The following CDH4 variants were observed in gnomAD, a reference collection of about 807,000 sequenced individuals.
CDH4 encodes the protein cadherin-4.
CDH4 carries 33 observed loss-of-function variants against 86.0 expected under a neutral mutation model. The observed-to-expected ratio is 0.38, with a 90% CI of 0.29 to 0.51. The LOEUF (loss-of-function observed/expected upper bound fraction) is 0.51, where lower values mean the gene tolerates loss of function less well. Among genes scored for constraint, CDH4 ranks in the 20% least tolerant of loss-of-function variants. CDH4 has a pLI of 0.86. For missense variants in CDH4, 1,114 were observed against 1,307.4 expected (o/e 0.85, Z 2.28); for synonymous variants, 555 against 549.4 (o/e 1.01, Z -0.14).
At chr20:61,929,509 A>G (rs2055081778) in intron 12 of CDH4, 100 bp from the exon 13 acceptor site, 1 of 829,244 alleles carries the variant, frequency 1.2e-6, no homozygotes, top group African/African-American at 1.7e-5. Flanking sequence ...CAGCCATTTC[A>G]GATTTCCATG....
At chr20:61,651,327 C>T (rs2087118403) in intron 2 of CDH4, among the ~76,000 whole-genome samples, 1 of 152,238 alleles carries the variant, frequency 6.6e-6, no homozygotes, top group East Asian at 1.9e-4. Flanking sequence ...GTGCCATTTT[C>T]CAAAACTCTA....
rs181170639 is a variant in CDH4 at position 61,792,059 on chromosome 20, G to A, written c.576+18877G>A. On this transcript the variant is annotated intron_variant, in intron 4 of 15. Coordinates refer to ENST00000614565, the MANE Select transcript of CDH4 (RefSeq NM_001794.5). ...CTGCCTGGTGGGGCTGGAAGGTTAA[G>A]GCGAGAGCTGCCCCAGAGCCCCAGG... 3.9e-5 allele frequency among the ~76,000 whole-genome samples: 6 copies of A among 152,262 alleles called. No individual in the cohort carries two copies. The East Asian group carries it at 1.2e-3, about 29-fold the overall frequency.
chr20:61,424,067 C>A (rs1324223775), intron 2 of CDH4, among the ~76,000 whole-genome samples: 1 of 152,048 alleles, frequency 6.6e-6, no homozygotes, highest in African/African-American at 2.4e-5. Context: ...ACATACACAT[C>A]CACACACAGC....
intron 4 of CDH4, among the ~76,000 whole-genome samples, chr20:61,808,638 C>T (rs543063779): frequency 2.1e-4 from 32 of 152,352 alleles, no homozygotes; most frequent in South Asian, 8.3e-4. Flanking sequence ...CACTGGCCCT[C>T]GGAGCAGCTT....
intron 2 of CDH4, among the ~76,000 whole-genome samples, chr20:61,741,701 C>G (rs2088339057): frequency 6.6e-6 from 1 of 152,032 alleles, no homozygotes; most frequent in Non-Finnish European, 1.5e-5. Flanking sequence ...CCGTGTTAGC[C>G]AGGATGGTCT....
Position 61,681,831 on chromosome 20 carries a change from C to T in CDH4, c.170-61732C>T, listed in dbSNP as rs76539647. On this transcript the variant is annotated intron_variant, in intron 2 of 15. Transcript: ENST00000614565. The surrounding 1 kb of genome is among the most constrained non-coding windows in gnomAD (Gnocchi z 4.5). ...TGATGGAGGGACAGACAGAGCATCC[C>T]CACATTTGTCTTTGAGGGTGTGTGG... Among the ~76,000 whole-genome samples, 5,529 of 152,256 alleles carry T rather than the reference C, an allele frequency of 0.036. 179 individuals are homozygous for T. Among genetic ancestry groups the T allele is most frequent in the Middle Eastern group, 0.082 (24 of 294 alleles).
At chr20:61,495,909 A>G (rs1156349230) in intron 2 of CDH4, among the ~76,000 whole-genome samples, 2 of 151,054 alleles carry the variant, frequency 1.3e-5, no homozygotes, top group Non-Finnish European at 3.0e-5. Context: ...TCTCAAAAAA[A>G]AAAAAAAAAA....
At chr20:61,856,731 C>T (rs1012561620) in intron 6 of CDH4, among the ~76,000 whole-genome samples, 1 of 152,266 alleles carries the variant, frequency 6.6e-6, no homozygotes, top group Non-Finnish European at 1.5e-5. Context: ...CTGACCTGCC[C>T]TGCTGGGCTC....
rs1228058980 is a variant in CDH4, at chr20:61,393,452, T to G, written c.169+138515T>G. On this transcript the variant is annotated intron_variant, in intron 2 of 15. Transcript: ENST00000614565. This position sits in a 1 kb window ranked among gnomAD's most constrained non-coding sequence, Gnocchi z 4.3. ...ATTGGCAAAATTAAACCTGGATGCT[T>G]TGATCGCTGGCAGTAAGCGACACGC... Among the ~76,000 whole-genome samples the G allele has an allele frequency of 6.6e-6, 1 of 152,176 alleles. No individual in the cohort carries two copies. The highest frequency in any genetic ancestry group is 1.5e-5 in the Non-Finnish European group (1 of 68,012).
chr20:61,647,035 C>T (rs1216889142), intron 2 of CDH4, among the ~76,000 whole-genome samples: 1 of 152,182 alleles, frequency 6.6e-6, no homozygotes, highest in Admixed American at 6.5e-5. Flanking sequence ...TCTTGTTGTT[C>T]TTGACAATTA....
At chr20:61,760,169 G>C (rs1489850489) in intron 3 of CDH4, among the ~76,000 whole-genome samples, 1 of 152,196 alleles carries the variant, frequency 6.6e-6, no homozygotes, top group Non-Finnish European at 1.5e-5. Flanking sequence ...CTGAAGGGTA[G>C]GGGGAGGGGG....
At chr20:61,317,496 T>C (rs1211322896) in intron 2 of CDH4, among the ~76,000 whole-genome samples, 1 of 152,050 alleles carries the variant, frequency 6.6e-6, no homozygotes, top group Non-Finnish European at 1.5e-5. Context: ...TGTGGCCCAT[T>C]GCATCTCCCA....
chr20:61,924,624 A>G (rs1462034237), intron 11 of CDH4, 148 bp downstream of exon 11: 2 of 832,604 alleles, frequency 2.4e-6, no homozygotes, highest in Non-Finnish European at 3.6e-6. Flanking sequence ...GCATCTGTGC[A>G]GACACCGGTG....
At chr20:61,672,484 G>A (rs1344971806) in intron 2 of CDH4, among the ~76,000 whole-genome samples, 2 of 152,316 alleles carry the variant, frequency 1.3e-5, no homozygotes, top group African/African-American at 2.4e-5. Context: ...TGTTGCACAA[G>A]AGGGTAGGCC....
chr20:61,464,708 G>T (rs1220005354), intron 2 of CDH4, among the ~76,000 whole-genome samples: 1 of 152,124 alleles, frequency 6.6e-6, no homozygotes, highest in Non-Finnish European at 1.5e-5. Context: ...AACTAACATA[G>T]GTGTCTCTGC....
chr20:61,371,381 A>G (rs918754699), intron 2 of CDH4, among the ~76,000 whole-genome samples: 1 of 152,200 alleles, frequency 6.6e-6, no homozygotes, highest in Non-Finnish European at 1.5e-5. Flanking sequence ...CTTGGTGTCC[A>G]GTGGACATTG....
At chr20:61,404,716 CT>C (rs771836471) in intron 2 of CDH4, among the ~76,000 whole-genome samples, 3,724 of 142,816 alleles carry the variant, frequency 0.026, 118 homozygotes, top group African/African-American at 0.079. Flanking sequence ...AATATTTAGG[CT>C]TTTTTTTTTT....
chr20:61,444,535 G>A (rs546516070), intron 2 of CDH4, among the ~76,000 whole-genome samples: 24 of 151,546 alleles, frequency 1.6e-4, no homozygotes, highest in African/African-American at 5.6e-4. Context: ...TTGTGTATCC[G>A]TATGTATGTG....
At chr20:61,911,742 G>A (rs1023655924) in intron 9 of CDH4, among the ~76,000 whole-genome samples, 1 of 143,508 alleles carries the variant, frequency 7.0e-6, no homozygotes, top group African/African-American at 2.9e-5. Flanking sequence ...ATGCCGAAGC[G>A]TAAGGAAAAG....
Sources: gnomAD v4.1 joint callset for allele counts (sites outside exome capture counted in the v4.1 genomes callset) on GRCh38, gnomAD v4.1.1 for gene constraint, Gnocchi (gnomAD v3.1) non-coding constraint, MANE v1.5 for transcripts, NCBI Gene and HGNC (gene_info 2026-07-23, HGNC 2026-07-21) for gene names.